EPB41L3: variants seen among roughly 807,000 people sequenced by gnomAD.
EPB41L3 encodes erythrocyte membrane protein band 4.1 like 3.
In EPB41L3, 57 loss-of-function variants were observed where a neutral mutation model predicts 127.1. That is an observed-to-expected ratio of 0.45 (90% CI 0.36 to 0.56). The LOEUF is 0.56. Ranked by LOEUF, EPB41L3 falls within the 20% of genes least tolerant of loss-of-function variation. EPB41L3 has a pLI of 0.00. For missense variants in EPB41L3, 1,273 were observed against 1,372.2 expected, an observed-to-expected ratio of 0.93 and a Z score of 1.14; for synonymous variants, 572 against 549.5, an observed-to-expected ratio of 1.04 and a Z score of -0.57.
chr18:5,572,352 CT>C (rs1357751601), intron 3 of EPB41L3, among the ~76,000 whole-genome samples: 1 of 152,094 alleles, frequency 6.6e-6, no homozygotes, highest in African/African-American at 2.4e-5. Context: ...CTTATTTTTC[CT>C]TGGCTTTAAT....
At chr18:5,432,346 T>C (rs2145740688) in intron 8 of EPB41L3, among the ~76,000 whole-genome samples, 1 of 152,308 alleles carries the variant, frequency 6.6e-6, no homozygotes, top group East Asian at 1.9e-4. Flanking sequence ...CCTGGAAACC[T>C]GTAACTGCAC....
intron 1 of EPB41L3, among the ~76,000 whole-genome samples, chr18:5,530,217 A>C (rs2093367198): frequency 6.6e-6 from 1 of 152,132 alleles, no homozygotes. Context: ...TTGTGATATT[A>C]ACTGTGACTT....
At chr18:5,411,270 T>C (rs1422475499) in intron 13 of EPB41L3, among the ~76,000 whole-genome samples, 2 of 152,224 alleles carry the variant, frequency 1.3e-5, no homozygotes, top group Non-Finnish European at 2.9e-5. Flanking sequence ...AGACTAAATG[T>C]TATGTTTATT....
At position 5,478,395 on chromosome 18, in the gene EPB41L3, T is replaced by G; in HGVS notation, c.227A>C (p.Gln76Pro). 1 of 1,614,214 alleles carries G rather than the reference T, an allele frequency of 6.2e-7. No homozygotes were observed. The highest frequency in any genetic ancestry group is 1.3e-5 in the African/African-American group (1 of 75,058). ...GTCTTCTAATTGCTGATATTCGAGC[T>G]GTTTTGCAGCCCTGGCAGCAAACTC... The part of the protein sequence containing the change: ...EQEFAARAAK[Q>P]LEYQQLEDDK... Residue 76 changes from glutamine to proline, a missense_variant, in exon 3 of 23, where the codon CAG becomes CCG. Coordinates refer to ENST00000341928, the MANE Select transcript of EPB41L3 (RefSeq NM_012307.5).
chr18:5,499,091 G>A (rs1341208306), intron 1 of EPB41L3, among the ~76,000 whole-genome samples: 1 of 148,038 alleles, frequency 6.8e-6, no homozygotes. Flanking sequence ...AGAACATAAA[G>A]GAAGCTAGTC....
intron 2 of EPB41L3, 60 bp from the exon 3 acceptor site, chr18:5,478,498 C>T (rs2087709251): frequency 6.7e-7 from 1 of 1,494,668 alleles, no homozygotes; most frequent in Non-Finnish European, 9.3e-7. Context: ...TATTGCATTG[C>T]TCATGCAATA....
chr18:5,447,021 C>G (rs953117568), intron 3 of EPB41L3, among the ~76,000 whole-genome samples: 7 of 152,158 alleles, frequency 4.6e-5, no homozygotes, highest in African/African-American at 1.7e-4. Context: ...GGTATGATCT[C>G]TAGTTCACAG....
At chr18:5,544,166 C>G, upstream of EPB41L3, 1 of 985,478 alleles carries the variant, frequency 1.0e-6, no homozygotes, top group Non-Finnish European at 1.2e-6. Flanking sequence ...GGGGAGGGGG[C>G]CACCGCAGTA....
upstream of EPB41L3, among the ~76,000 whole-genome samples, chr18:5,547,075 T>C (rs1311219420): frequency 2.0e-5 from 3 of 150,498 alleles, no homozygotes; most frequent in Admixed American, 6.6e-5. Flanking sequence ...AAAGCAATAA[T>C]GAAAACCCTA....
At chr18:5,603,970 A>C (rs908002806) in intron 3 of EPB41L3, among the ~76,000 whole-genome samples, 3 of 152,164 alleles carry the variant, frequency 2.0e-5, no homozygotes, top group African/African-American at 7.2e-5. Flanking sequence ...GGAAGTTCAA[A>C]GCTTAGCTCA....
intron 3 of EPB41L3, among the ~76,000 whole-genome samples, chr18:5,574,160 T>A (rs1227121388): frequency 6.6e-6 from 1 of 152,096 alleles, no homozygotes; most frequent in Non-Finnish European, 1.5e-5. Flanking sequence ...CTATTCTATT[T>A]CTCTAATCAT....
At chr18:5,464,142 TA>T (rs2084533270) in intron 3 of EPB41L3, among the ~76,000 whole-genome samples, 1 of 152,198 alleles carries the variant, frequency 6.6e-6, no homozygotes, top group Non-Finnish European at 1.5e-5. Context: ...CAATGTTACA[TA>T]AATATCACGC....
At chr18:5,425,784 AC>A (rs2078093380) in intron 9 of EPB41L3, among the ~76,000 whole-genome samples, 1 of 152,150 alleles carries the variant, frequency 6.6e-6, no homozygotes. Context: ...TGCCAGCACC[AC>A]AACCCCATCT....
chr18:5,455,803 C>T (rs1380575036), intron 3 of EPB41L3, among the ~76,000 whole-genome samples: 2 of 150,470 alleles, frequency 1.3e-5, no homozygotes, highest in East Asian at 1.9e-4. Flanking sequence ...ATCACACATA[C>T]GAGATGTTGG....
intron 1 of EPB41L3, chr18:5,528,864 CTGGGATTA>C (rs1291688916): frequency 6.6e-6 from 1 of 152,368 alleles, no homozygotes; most frequent in African/African-American, 2.4e-5. Flanking sequence ...TCCCAAAGTG[CTGGGATTA>C]CAGACATGAG....
chr18:5,416,769 T>C (rs977915964), intron 12 of EPB41L3, among the ~76,000 whole-genome samples: 1 of 152,122 alleles, frequency 6.6e-6, no homozygotes, highest in Non-Finnish European at 1.5e-5. Context: ...TCAATAGCCT[T>C]CTCCTGATTT....
chr18:5,611,562 G>A (rs1465290081), intron 3 of EPB41L3, among the ~76,000 whole-genome samples: 1 of 152,208 alleles, frequency 6.6e-6, no homozygotes, highest in Non-Finnish European at 1.5e-5. Context: ...ATACACTAAT[G>A]AGGCCGAGAC....
intron 1 of EPB41L3, among the ~76,000 whole-genome samples, chr18:5,617,328 T>A (rs1241404031): frequency 1.3e-5 from 2 of 151,130 alleles, no homozygotes; most frequent in African/African-American, 4.8e-5. Flanking sequence ...TTATTTTTTT[T>A]TTTTTTTTGA....
intron 3 of EPB41L3, among the ~76,000 whole-genome samples, chr18:5,458,917 A>G (rs1485981754): frequency 6.6e-6 from 1 of 152,160 alleles, no homozygotes; most frequent in Admixed American, 6.5e-5. Context: ...CATGGGTTAA[A>G]ATTATTGAAG....
Sources: allele counts gnomAD v4.1 joint callset (sites outside exome capture counted in the v4.1 genomes callset), GRCh38; gene constraint gnomAD v4.1.1; transcripts MANE v1.5; gene names NCBI Gene and HGNC (gene_info 2026-07-23, HGNC 2026-07-21).